The following IL1RAPL2 variants were observed in gnomAD, a reference collection of about 807,000 sequenced individuals.
IL1RAPL2 encodes interleukin 1 receptor accessory protein like 2.
IL1RAPL2 carries 3 observed loss-of-function variants against 44.1 expected under a neutral mutation model. The observed-to-expected ratio is 0.07, with a 90% CI of 0.03 to 0.18. IL1RAPL2 has a LOEUF of 0.18. IL1RAPL2 is among the 10% of genes least tolerant of loss of function. The probability of loss-of-function intolerance (pLI) is 1.00; values close to 1 mark genes in which losing one functional copy is unlikely to be tolerated. For missense variants in IL1RAPL2, 391 were observed against 496.4 expected, an observed-to-expected ratio of 0.79 and a Z score of 2.02; for synonymous variants, 181 against 178.8, an observed-to-expected ratio of 1.01 and a Z score of -0.10.
At chrX:105,284,881 C>T (rs1395001508) in intron 5 of IL1RAPL2, among the ~76,000 whole-genome samples, 1 of 111,229 alleles carries the variant, frequency 9.0e-6, no homozygotes, top group Non-Finnish European at 1.9e-5. Context: ...CAAGAGATAA[C>T]GTTAGATAGA....
chrX:104,653,261 C>A (rs1930186621), intron 1 of IL1RAPL2, among the ~76,000 whole-genome samples: 1 of 111,638 alleles, frequency 9.0e-6, no homozygotes, highest in South Asian at 3.8e-4. Context: ...AAGCCTCTGG[C>A]AAGAATTATG....
At chrX:104,619,052 G>T (rs1929334085) in intron 1 of IL1RAPL2, among the ~76,000 whole-genome samples, 7 of 111,900 alleles carry the variant, frequency 6.3e-5, no homozygotes, top group Admixed American at 5.7e-4. Flanking sequence ...AGCTGTAGCA[G>T]CTCTCCTCCT....
intron 5 of IL1RAPL2, among the ~76,000 whole-genome samples, chrX:105,475,541 G>T (rs2036192226): frequency 9.0e-6 from 1 of 110,512 alleles, no homozygotes; most frequent in Non-Finnish European, 1.9e-5. Flanking sequence ...ATACTATCTT[G>T]TGAAATTTCT....
intron 7 of IL1RAPL2, among the ~76,000 whole-genome samples, chrX:105,725,818 C>T (rs1204131053): frequency 1.8e-5 from 2 of 111,896 alleles, no homozygotes; most frequent in East Asian, 2.8e-4. Context: ...TCAGCTCATC[C>T]TACTGGAAGA....
chrX:105,267,406 T>G lies in IL1RAPL2; in HGVS notation c.562T>G (p.Trp188Gly). 8.4e-7 allele frequency: 1 copy of G among 1,197,116 alleles called. No homozygotes were observed. Among genetic ancestry groups the G allele is most frequent in the Non-Finnish European group, 1.1e-6 (1 of 890,912 alleles). ...VWYKECKPKMWRSIIIQKGNA... is the reference protein window; with the variant it reads ...VWYKECKPKMGRSIIIQKGNA... ...TCTGCAGGAATGCAAGCCAAAAATG[T>G]GGAGAAGCATAATAATACAGAAAGG... Residue 188 changes from tryptophan (W) to glycine (G), a missense_variant, in exon 5 of 11, where the codon TGG becomes GGG. Transcript: ENST00000372582.
At chrX:104,706,797 G>A (rs1474635232) in intron 2 of IL1RAPL2, among the ~76,000 whole-genome samples, 2 of 111,637 alleles carry the variant, frequency 1.8e-5, no homozygotes, top group African/African-American at 6.5e-5. Context: ...TTTTAGCTTA[G>A]CTAGAAATGG....
At chrX:104,675,759 C>G (rs1448731605) in intron 2 of IL1RAPL2, among the ~76,000 whole-genome samples, 1 of 110,332 alleles carries the variant, frequency 9.1e-6, no homozygotes, top group Non-Finnish European at 1.9e-5. Context: ...TCACTCAGGA[C>G]TTGCTTTATG....
intron 6 of IL1RAPL2, among the ~76,000 whole-genome samples, chrX:105,489,762 T>C (rs866178033): frequency 2.1e-5 from 2 of 95,629 alleles, no homozygotes; most frequent in African/African-American, 8.2e-5. Context: ...TTCTTTCTCT[T>C]TCTTTCTTTC....
intron 6 of IL1RAPL2, among the ~76,000 whole-genome samples, chrX:105,686,383 A>C (rs2037976038): frequency 2.2e-5 from 1 of 44,953 alleles, no homozygotes; most frequent in East Asian, 4.2e-4. Flanking sequence ...TGGAAAGCAA[A>C]AAAAAAAAAA....
intron 7 of IL1RAPL2, among the ~76,000 whole-genome samples, chrX:105,733,233 A>G (rs2038419353): frequency 9.0e-6 from 1 of 111,727 alleles, no homozygotes; most frequent in South Asian, 3.7e-4. Context: ...AGTCTGATGA[A>G]TTTCCTATTC....
At chrX:104,671,961 T>C (rs1005797368) in intron 2 of IL1RAPL2, among the ~76,000 whole-genome samples, 3 of 111,399 alleles carry the variant, frequency 2.7e-5, no homozygotes, top group African/African-American at 9.8e-5. Flanking sequence ...ATAGACTTTA[T>C]AGTTTATAAT....
intron 2 of IL1RAPL2, among the ~76,000 whole-genome samples, chrX:105,054,661 CAT>C (rs2031970240): frequency 8.9e-6 from 1 of 112,114 alleles, no homozygotes; most frequent in Non-Finnish European, 1.9e-5. Flanking sequence ...AGTCACATAT[CAT>C]ATGTTAATTA....
At chrX:104,842,266 G>C (rs1408301053) in intron 2 of IL1RAPL2, among the ~76,000 whole-genome samples, 1 of 109,779 alleles carries the variant, frequency 9.1e-6, no homozygotes, top group Non-Finnish European at 1.9e-5. Flanking sequence ...CTCTAAACTG[G>C]TTATTCTAGT....
At chrX:105,335,686 C>G (rs977879676) in intron 5 of IL1RAPL2, among the ~76,000 whole-genome samples, 1 of 111,039 alleles carries the variant, frequency 9.0e-6, no homozygotes, top group African/African-American at 3.3e-5. Flanking sequence ...AGTCGACCAC[C>G]TCAAATAGTT....
At chrX:105,032,591 C>T (rs954566446) in intron 2 of IL1RAPL2, among the ~76,000 whole-genome samples, 5 of 111,763 alleles carry the variant, frequency 4.5e-5, no homozygotes, top group Admixed American at 2.9e-4. Flanking sequence ...GTCTGAGAGA[C>T]GTTTTGTTAT....
chrX:104,719,677 C>G (rs1410974372), intron 2 of IL1RAPL2, among the ~76,000 whole-genome samples: 2 of 111,600 alleles, frequency 1.8e-5, no homozygotes, highest in Non-Finnish European at 1.9e-5. Context: ...TCCACAATGA[C>G]CGCTTCACCC....
chrX:104,833,079 C>T (rs1253833933), intron 2 of IL1RAPL2, among the ~76,000 whole-genome samples: 1 of 111,657 alleles, frequency 9.0e-6, no homozygotes, highest in Non-Finnish European at 1.9e-5. Context: ...ATGAATTGTT[C>T]ATCGTCATCT....
At chrX:104,918,426 A>G in intron 2 of IL1RAPL2, among the ~76,000 whole-genome samples, 1 of 111,946 alleles carries the variant, frequency 8.9e-6, no homozygotes, top group East Asian at 2.8e-4. Flanking sequence ...AAAAAAAACA[A>G]AAAAGTAGAG....
At chrX:105,638,781 T>C (rs2037543409) in intron 6 of IL1RAPL2, among the ~76,000 whole-genome samples, 1 of 112,491 alleles carries the variant, frequency 8.9e-6, no homozygotes, top group African/African-American at 3.2e-5. Flanking sequence ...CCATGTATGG[T>C]GCAGGGTAGA....
Sources: gnomAD v4.1 joint callset for allele counts (sites outside exome capture counted in the v4.1 genomes callset) on GRCh38, gnomAD v4.1.1 for gene constraint, MANE v1.5 for transcripts, NCBI Gene and HGNC (gene_info 2026-07-23, HGNC 2026-07-21) for gene names.